Variants in GALNTL6 observed in about 807,000 individuals in gnomAD.
GALNTL6 encodes polypeptide N-acetylgalactosaminyltransferase like 6, also known as polypeptide N-acetylgalactosaminyltransferase-like 6.
A neutral mutation model predicts 73.7 loss-of-function variants in GALNTL6; 46 were observed. The ratio of observed to expected loss-of-function variants is 0.62; its 90% CI spans 0.49 to 0.80. GALNTL6 has a LOEUF of 0.80. Ranked by LOEUF, GALNTL6 falls within the 30% of genes least tolerant of loss-of-function variation. GALNTL6 has a pLI of 0.00. For missense variants in GALNTL6, 604 were observed against 755.0 expected (o/e 0.80, Z 2.34); for synonymous variants, 259 against 263.7 (o/e 0.98, Z 0.17).
intron 5 of GALNTL6, among the ~76,000 whole-genome samples, chr4:172,741,607 G>A (rs1171798977): frequency 6.6e-6 from 1 of 151,822 alleles, no homozygotes; most frequent in East Asian, 1.9e-4. Flanking sequence ...CCTAGTCCAT[G>A]CTTTAGGCTT....
At chr4:172,972,959 A>G (rs1268005334) in intron 10 of GALNTL6, among the ~76,000 whole-genome samples, 1 of 152,240 alleles carries the variant, frequency 6.6e-6, no homozygotes, top group Non-Finnish European at 1.5e-5. Flanking sequence ...TCATGACTCT[A>G]GAAATTGAGA....
At chr4:172,275,254 G>A (rs2111066519) in intron 3 of GALNTL6, among the ~76,000 whole-genome samples, 1 of 152,262 alleles carries the variant, frequency 6.6e-6, no homozygotes, top group South Asian at 2.1e-4. Flanking sequence ...ATGAAATCAG[G>A]TAACAGATTA....
chr4:172,641,223 C>G (rs1049265556), intron 5 of GALNTL6, among the ~76,000 whole-genome samples: 1 of 152,074 alleles, frequency 6.6e-6, no homozygotes, highest in Non-Finnish European at 1.5e-5. Flanking sequence ...TCTTTGTAGT[C>G]CATTCTCAAA....
At chr4:172,653,103 C>T (rs1334318602) in intron 5 of GALNTL6, among the ~76,000 whole-genome samples, 1 of 151,904 alleles carries the variant, frequency 6.6e-6, no homozygotes, top group Non-Finnish European at 1.5e-5. Flanking sequence ...TCTCTCATCT[C>T]TCATCTCCTG....
chr4:172,667,045 T>C (rs573323424), intron 5 of GALNTL6: 12 of 152,360 alleles, frequency 7.9e-5, no homozygotes, highest in Non-Finnish European at 1.3e-4. Flanking sequence ...ACGAGAATGA[T>C]AAGTCCACTT....
chr4:172,785,553 G>T (rs1739605830), intron 5 of GALNTL6, among the ~76,000 whole-genome samples: 1 of 152,056 alleles, frequency 6.6e-6, no homozygotes, highest in African/African-American at 2.4e-5. Flanking sequence ...CATAAAAAAA[G>T]TCCTGCTCTC....
intron 2 of GALNTL6, among the ~76,000 whole-genome samples, chr4:172,149,842 T>C (rs1382548398): frequency 6.6e-6 from 1 of 152,120 alleles, no homozygotes; most frequent in African/African-American, 2.4e-5. Flanking sequence ...CCACAAAATA[T>C]CACACCATTG....
chr4:172,876,214 C>T (rs972783739), intron 7 of GALNTL6, among the ~76,000 whole-genome samples: 10 of 152,096 alleles, frequency 6.6e-5, no homozygotes, highest in Non-Finnish European at 1.5e-4. Context: ...TAAACCATAA[C>T]AGTATTATAT....
intron 2 of GALNTL6, among the ~76,000 whole-genome samples, chr4:172,025,164 A>G (rs1023120186): frequency 1.3e-5 from 2 of 152,020 alleles, no homozygotes; most frequent in Admixed American, 1.3e-4. Context: ...TTTCCAAATA[A>G]GGGGCTCCTA....
chr4:171,999,753 T>A (rs2110755987), intron 2 of GALNTL6, among the ~76,000 whole-genome samples: 1 of 39,934 alleles, frequency 2.5e-5, no homozygotes, highest in East Asian at 9.2e-4. Context: ...CTTACAACTC[T>A]GAAATTAAAA....
chr4:172,616,441 T>A (rs182726091), intron 5 of GALNTL6, among the ~76,000 whole-genome samples: 1 of 152,186 alleles, frequency 6.6e-6, no homozygotes, highest in African/African-American at 2.4e-5. Context: ...ATTTGTTTCA[T>A]GATACTTTGG....
intron 2 of GALNTL6, among the ~76,000 whole-genome samples, chr4:172,005,417 G>GTAAT (rs1438501931): frequency 6.6e-6 from 1 of 152,054 alleles, no homozygotes; most frequent in East Asian, 1.9e-4. Flanking sequence ...ATGAGCCACT[G>GTAAT]CCCCAGGACT....
intron 5 of GALNTL6, among the ~76,000 whole-genome samples, chr4:172,726,229 G>T (rs1735794071): frequency 6.6e-6 from 1 of 152,170 alleles, no homozygotes; most frequent in Non-Finnish European, 1.5e-5. Flanking sequence ...ATTAACAAAA[G>T]TTGTGAGTAA....
At chr4:172,911,152 A>C (rs542422612) in intron 8 of GALNTL6, among the ~76,000 whole-genome samples, 40 of 152,350 alleles carry the variant, frequency 2.6e-4, no homozygotes, top group African/African-American at 9.4e-4. Flanking sequence ...TGTTTAACTT[A>C]TACTCCTAAA....
chr4:172,995,136 G>A (rs1751719518), intron 10 of GALNTL6, among the ~76,000 whole-genome samples: 1 of 152,026 alleles, frequency 6.6e-6, no homozygotes, highest in Non-Finnish European at 1.5e-5. Context: ...AGATTTATTG[G>A]CAATTCATAT....
intron 11 of GALNTL6, among the ~76,000 whole-genome samples, chr4:173,016,863 C>A (rs1205312800): frequency 6.6e-6 from 1 of 152,140 alleles, no homozygotes; most frequent in East Asian, 1.9e-4. Context: ...CCACCCAAAT[C>A]TCATCTTGAA....
At chr4:172,640,811 G>C (rs898980660) in intron 5 of GALNTL6, among the ~76,000 whole-genome samples, 17 of 152,036 alleles carry the variant, frequency 1.1e-4, no homozygotes, top group African/African-American at 4.1e-4. Flanking sequence ...TATCAATTTG[G>C]GGAAGACACA....
intron 2 of GALNTL6, among the ~76,000 whole-genome samples, chr4:172,029,436 T>G (rs1741696865): frequency 6.6e-6 from 1 of 152,088 alleles, no homozygotes; most frequent in South Asian, 2.1e-4. Context: ...TGGCTGACAC[T>G]ATCGAATACT....
chr4:172,402,382 A>G (rs1744074793), intron 5 of GALNTL6, among the ~76,000 whole-genome samples: 2 of 152,108 alleles, frequency 1.3e-5, no homozygotes, highest in Admixed American at 6.6e-5. Context: ...ACATGAAGAA[A>G]TCTCTCAATG....
Sources: gnomAD v4.1 joint callset for allele counts (sites outside exome capture counted in the v4.1 genomes callset) on GRCh38, gnomAD v4.1.1 for gene constraint, MANE v1.5 for transcripts, NCBI Gene and HGNC (gene_info 2026-07-23, HGNC 2026-07-21) for gene names.